Variants in SBNO2 observed in about 807,000 individuals in gnomAD.
The protein encoded by SBNO2 is strawberry notch homolog 2.
Under a neutral mutation model 146.3 loss-of-function variants are expected in SBNO2, and 89 were observed. That is an observed-to-expected ratio of 0.61 (90% CI 0.51 to 0.73). The LOEUF (loss-of-function observed/expected upper bound fraction) is 0.73. Ranked by LOEUF, SBNO2 falls within the 30% of genes least tolerant of loss-of-function variation. The pLI, the probability that SBNO2 is intolerant of heterozygous loss-of-function variation, is 0.00. For synonymous variants in SBNO2, 1,147 were observed against 892.6 expected (o/e 1.29, Z -5.08); for missense variants, 2,092 against 2,003.7 (o/e 1.04, Z -0.84).
At chr19:1,160,750 G>A (rs191982256) in intron 1 of SBNO2, among the ~76,000 whole-genome samples, 1 of 152,238 alleles carries the variant, frequency 6.6e-6, no homozygotes, top group African/African-American at 2.4e-5. Flanking sequence ...GGCTGGTCTC[G>A]AACTGCCGAT....
Position 1,140,192 on chromosome 19 carries a change from C to T in SBNO2, c.279+7117G>A, listed in dbSNP as rs549020479. Among the ~76,000 whole-genome samples the T allele has an allele frequency of 6.6e-6, 1 of 151,202 alleles. No homozygotes were observed. Among genetic ancestry groups the T allele is most frequent in the South Asian group, 2.1e-4 (1 of 4,734 alleles). Reference sequence around the variant, plus strand: ...GTGGGCACCTGTAGTCCCAGCTACTCGGGAGGCTGAGGCGGGAGAATGGCA... The same window carrying T: ...GTGGGCACCTGTAGTCCCAGCTACTTGGGAGGCTGAGGCGGGAGAATGGCA... On this transcript the variant is annotated intron_variant, in intron 4 of 31. Coordinates refer to ENST00000361757, the MANE Select transcript of SBNO2 (RefSeq NM_014963.3). The surrounding 1 kb of genome is among the most constrained non-coding windows in gnomAD (Gnocchi z 4.4).
At chr19:1,125,280 ACC>A (rs1339004295) in intron 5 of SBNO2, among the ~76,000 whole-genome samples, 2 of 147,870 alleles carry the variant, frequency 1.4e-5, no homozygotes, top group Non-Finnish European at 3.0e-5. Context: ...AATCGCTTAA[ACC>A]CAGGAGGCAG....
In SBNO2 at chr19:1,126,650, T is replaced by C. The variant is rs909588667; in HGVS notation, c.441+954A>G. On this transcript the variant is annotated intron_variant, in intron 5 of 31. Coordinates refer to ENST00000361757, the MANE Select transcript of SBNO2 (RefSeq NM_014963.3). This position sits in a 1 kb window ranked among gnomAD's most constrained non-coding sequence, Gnocchi z 4.4. ...AAGCCCGTGAGTTCTGCTGCCCGGG[T>C]TGCCCCTTCCTGAGGGCCCGGGAGA... Among the ~76,000 whole-genome samples the C allele has an allele frequency of 1.3e-5, 2 of 152,016 alleles. No homozygotes were observed. Among genetic ancestry groups the C allele is most frequent in the Non-Finnish European group, 2.9e-5 (2 of 68,006 alleles).
At position 1,115,795 on chromosome 19, in the gene SBNO2, T is replaced by G. The variant is rs2012485403; in HGVS notation, c.1885+226A>C. On this transcript the variant is annotated intron_variant, in intron 17 of 31. Transcript: ENST00000361757. ...CCGGGTCTCGCTCGGCACCCACGTC[T>G]GTGTCCTTCAGGCTGTCTGTTGCTT... 1.4e-5 allele frequency: 8 copies of G among 592,184 alleles called. No individual in the cohort carries two copies. In the South Asian group the frequency reaches 1.6e-4, roughly 12 times the overall value. The allele number at this position is 592,184 out of a possible 1,614,324, so 36.7% of individuals were successfully genotyped here.
intron 24 of SBNO2, 104 bp from the exon 25 acceptor site, chr19:1,111,197 A>G (rs1044398770): frequency 5.4e-6 from 7 of 1,304,204 alleles, no homozygotes; most frequent in Non-Finnish European, 6.2e-6. Context: ...GGGGCTGGGG[A>G]GCAGCTGCAG....
chr19:1,122,094 CCCCCTAATCCAGCCCTCCCCT>C, intron 11 of SBNO2, 24 bp downstream of exon 11: 1 of 1,335,086 alleles, frequency 7.5e-7, no homozygotes. Flanking sequence ...TTCCCTCCGA[CCCCCTAATCCAGCCCTCCCCT>C]CCCGATTGCC....
At chr19:1,143,017 T>C (rs550929918) in intron 4 of SBNO2, among the ~76,000 whole-genome samples, 1 of 152,128 alleles carries the variant, frequency 6.6e-6, no homozygotes, top group Non-Finnish European at 1.5e-5. Context: ...GGGTTTTACA[T>C]TCACCCTCAC....
rs1028649707 is a variant in SBNO2 at position 1,110,521 on chromosome 19, T to C, written c.3028+224A>G. Among the ~76,000 whole-genome samples, 2 of 139,864 alleles carry C rather than the reference T, an allele frequency of 1.4e-5. No individual in the cohort carries two copies. The highest frequency in any genetic ancestry group is 5.5e-5 in the African/African-American group (2 of 36,060). The allele number at this position is 139,864 out of a possible 152,430, so 91.8% of individuals were successfully genotyped here. A position where few individuals can be genotyped will look rare whatever the true frequency, so the allele number is the denominator to read the frequency against. On this transcript the variant is annotated intron_variant, in intron 26 of 31. Coordinates refer to ENST00000361757, the MANE Select transcript of SBNO2 (RefSeq NM_014963.3). This position sits in a 1 kb window ranked among gnomAD's most constrained non-coding sequence, Gnocchi z 4.9. Reference sequence around the variant, plus strand: ...TTGCCCACCTAGGCCCTCGCCGTGCTCACCCACAATGCACGGTGTTCCCAC... The same window carrying C: ...TTGCCCACCTAGGCCCTCGCCGTGCCCACCCACAATGCACGGTGTTCCCAC...
intron 17 of SBNO2, 85 bp downstream of exon 17, chr19:1,115,936 G>A (rs1171206539): frequency 9.0e-7 from 1 of 1,107,664 alleles, no homozygotes; most frequent in Non-Finnish European, 1.3e-6. Context: ...CGGGGGAGTG[G>A]GGGAAGCAGG....
chr19:1,131,507 C>CCTGACTCCAGAA (rs1320710380), intron 4 of SBNO2, among the ~76,000 whole-genome samples: 13 of 152,296 alleles, frequency 8.5e-5, no homozygotes, highest in Non-Finnish European at 1.5e-4. Context: ...CAACTCCAGA[C>CCTGACTCCAGAA]CTGACTCCAG....
Position 1,108,468 on chromosome 19 carries a change from C to T in SBNO2, c.3853G>A (p.Gly1285Ser), listed in dbSNP as rs1354881458. The T allele has an allele frequency of 3.3e-6, 4 of 1,224,148 alleles. No individual in the cohort carries two copies. Among genetic ancestry groups the T allele is most frequent in the Non-Finnish European group, 4.1e-6 (4 of 978,902 alleles). The allele number at this position is 1,224,148 out of a possible 1,614,324, so 75.8% of individuals were successfully genotyped here. Reference protein sequence around the residue: ...SFPAPLSLDAGPGVVPLGTPD... With the variant: ...SFPAPLSLDASPGVVPLGTPD... ...GTGCCCAGCGGCACGACGCCGGGGC[C>T]GGCGTCCAGGGACAGCGGCGCCGGG... is the stretch of plus-strand genomic sequence containing the variant. Residue 1285 changes from glycine to serine, a missense_variant, in exon 32 of 32, where the codon GGC becomes AGC. Coordinates refer to ENST00000361757, the MANE Select transcript of SBNO2 (RefSeq NM_014963.3).
Position 1,108,949 on chromosome 19 carries a change from G to A in SBNO2, c.3446C>T (p.Ala1149Val), listed in dbSNP as rs867066222. 3.2e-6 allele frequency: 5 copies of A among 1,549,750 alleles called. No individual in the cohort carries two copies. The highest frequency in any genetic ancestry group is 2.4e-5 in the East Asian group (1 of 42,068). The change falls in exon 31 of 32, where the codon GCG becomes GTG. Residue 1149 changes from alanine to valine, a missense_variant. Coordinates refer to ENST00000361757, the MANE Select transcript of SBNO2 (RefSeq NM_014963.3). ...CTGCAGGCAGTCCTTACCCTCCTGC[G>A]CCAGCCGGCAGTGCCGGTTCCTGCG... ...HSAWNRHCRLAQEGKDCLQGL... is the reference protein window; with the variant it reads ...HSAWNRHCRLVQEGKDCLQGL...
At chr19:1,170,275 C>T (rs1161198343) in intron 1 of SBNO2, among the ~76,000 whole-genome samples, 1 of 152,220 alleles carries the variant, frequency 6.6e-6, no homozygotes, top group Non-Finnish European at 1.5e-5. Flanking sequence ...TCTCCTGAGT[C>T]CTGGGCCCTG....
intron 11 of SBNO2, among the ~76,000 whole-genome samples, chr19:1,121,071 T>C (rs965944132): frequency 9.2e-5 from 14 of 152,026 alleles, no homozygotes; most frequent in Non-Finnish European, 8.8e-5. Flanking sequence ...TTTGTATTTT[T>C]AGTACAGACG....
Position 1,110,039 on chromosome 19 carries a change from C to T in SBNO2, c.3029-262G>A, listed in dbSNP as rs898336362. Among the ~76,000 whole-genome samples, 1 of 151,424 alleles carries T rather than the reference C, an allele frequency of 6.6e-6. No individual in the cohort carries two copies. The highest frequency in any genetic ancestry group is 1.5e-5 in the Non-Finnish European group (1 of 67,814). ...GGGGCCGCTCAGGTCCTATGTAACC[C>T]CGAGCAGGCTGTGGGGGATCGTGGG... On this transcript the variant is annotated intron_variant, in intron 26 of 31. Coordinates refer to ENST00000361757, the MANE Select transcript of SBNO2 (RefSeq NM_014963.3). This position sits in a 1 kb window ranked among gnomAD's most constrained non-coding sequence, Gnocchi z 4.9.
chr19:1,108,309 CCGCGCCCTCCCCCAG>C lies in SBNO2; in HGVS notation c.3997_4011del (p.Leu1333_Ala1337del). On this transcript the variant is annotated inframe_deletion, in exon 32 of 32. Coordinates refer to ENST00000361757, the MANE Select transcript of SBNO2 (RefSeq NM_014963.3). ...CCACCGCCCGCCGCGCCCCCCGCCC[CCGCGCCCTCCCCCAG>C]CGCGCCCTCGGAGGGCGGCCCCGCG... 1 of 1,459,194 alleles carries C rather than the reference CCGCGCCCTCCCCCAG, an allele frequency of 6.9e-7. No homozygotes were observed. 90.4% of individuals were successfully genotyped at this position (1,459,194 alleles called of 1,614,324 possible).
chr19:1,108,754 C>T (rs1160849356), intron 31 of SBNO2, 25 bp downstream of exon 31: 2 of 1,593,782 alleles, frequency 1.3e-6, no homozygotes, highest in Non-Finnish European at 8.5e-7. Context: ...CTCGGGCCTT[C>T]CCGGGGCGCC....
At chr19:1,153,855 T>A (rs2145314377) in intron 2 of SBNO2, among the ~76,000 whole-genome samples, 1 of 152,304 alleles carries the variant, frequency 6.6e-6, no homozygotes, top group Non-Finnish European at 1.5e-5. Context: ...TTTAAGTAAT[T>A]CCCTCACTGA....
chr19:1,168,606 G>A (rs1417613826), intron 1 of SBNO2: 1 of 152,272 alleles, frequency 6.6e-6, no homozygotes, highest in Non-Finnish European at 1.5e-5. Context: ...ACCAGCGTGG[G>A]TCCCGCGACC....
Sources: allele counts gnomAD v4.1 joint callset (sites outside exome capture counted in the v4.1 genomes callset), GRCh38; gene constraint gnomAD v4.1.1; non-coding constraint Gnocchi (gnomAD v3.1); transcripts MANE v1.5; gene names NCBI Gene and HGNC (gene_info 2026-07-23, HGNC 2026-07-21).